GALNT5: variants seen among roughly 807,000 people sequenced by gnomAD.
The protein encoded by GALNT5 is polypeptide N-acetylgalactosaminyltransferase 5.
A neutral mutation model predicts 85.4 loss-of-function variants in GALNT5; 72 were observed. The observed-to-expected ratio is 0.84, with a 90% confidence interval of 0.70 to 1.03. The LOEUF is 1.03. GALNT5 is among the 50% of genes least tolerant of loss of function. The pLI is 0.00. For missense variants in GALNT5, 1,137 were observed against 1,135.5 expected (o/e 1.00, Z -0.02); for synonymous variants, 404 against 397.0 (o/e 1.02, Z -0.21).
intron 3 of GALNT5, among the ~76,000 whole-genome samples, chr2:157,287,805 C>T (rs1268045511): frequency 1.3e-5 from 2 of 152,184 alleles, no homozygotes; most frequent in East Asian, 3.9e-4. Flanking sequence ...TCATACATTT[C>T]TATGGAAGGA....
In GALNT5 at chr2:157,278,710, T is replaced by G. The variant is rs1350996446; in HGVS notation, c.1455-5572T>G. 2.0e-5 allele frequency among the ~76,000 whole-genome samples: 3 copies of G among 152,308 alleles called. No individual in the cohort carries two copies. The South Asian group carries it at 6.2e-4, about 32-fold the overall frequency. ...TACACTGTTTATTCTAGTTAGCCAT[T>G]CGTCTAGTGTTTTTTCAAGGTTTTT... On this transcript the variant is annotated intron_variant, in intron 1 of 9. Coordinates refer to ENST00000259056, the MANE Select transcript of GALNT5 (RefSeq NM_014568.3).
Position 157,259,280 on chromosome 2 carries a change from G to A in GALNT5, c.1198G>A (p.Ala400Thr), listed in dbSNP as rs1412788028. 3.7e-6 allele frequency: 6 copies of A among 1,610,852 alleles called. No individual in the cohort carries two copies. In the African/African-American group the frequency reaches 6.7e-5, roughly 18 times the overall value. ...AGCAAAAATCAACATAACTGCCAAA[G>A]CCCCCTCTACAGAATACAACCAGAG... Reference protein sequence around the residue: ...EPAKINITAKAPSTEYNQSHI... With the variant: ...EPAKINITAKTPSTEYNQSHI... Residue 400 changes from alanine to threonine, a missense_variant, in exon 1 of 10, where the codon GCC becomes ACC. Ala to Thr is a moderately conservative substitution (Grantham distance 58, BLOSUM62 0). Coordinates refer to ENST00000259056, the MANE Select transcript of GALNT5 (RefSeq NM_014568.3).
chr2:157,274,720 C>G (rs981655095), intron 1 of GALNT5, among the ~76,000 whole-genome samples: 1 of 152,040 alleles, frequency 6.6e-6, no homozygotes, highest in Non-Finnish European at 1.5e-5. Flanking sequence ...TTTGTAGATT[C>G]TGGATATTAG....
rs1443674912 is a variant in GALNT5 at position 157,314,954 on chromosome 2, T to C, written c.*3606T>C. 6.6e-6 allele frequency among the ~76,000 whole-genome samples: 1 copy of C among 151,998 alleles called. No individual in the cohort carries two copies. The highest frequency in any genetic ancestry group is 2.4e-5 in the African/African-American group (1 of 41,384). On this transcript the variant is annotated 3_prime_UTR_variant, in exon 10 of 10. Transcript: ENST00000259056. ...TTAGCTGGGCATGGTGGTGGGCGCC[T>C]GTAATCCCAGCTACCTGGGAGGCTG...
intron 9 of GALNT5, among the ~76,000 whole-genome samples, chr2:157,310,501 C>A (rs1683546339): frequency 6.6e-6 from 1 of 151,990 alleles, no homozygotes; most frequent in African/African-American, 2.4e-5. Flanking sequence ...TGAAAGTCAC[C>A]CCTGTTTGAT....
chr2:157,305,857 G>T (rs376983538), intron 8 of GALNT5, 28 bp downstream of exon 8: 1 of 1,237,270 alleles, frequency 8.1e-7, no homozygotes, highest in Non-Finnish European at 1.2e-6. Flanking sequence ...CTATCTCATG[G>T]TAGCTGATAG....
intron 1 of GALNT5, among the ~76,000 whole-genome samples, chr2:157,275,446 T>C (rs1682701300): frequency 6.6e-6 from 1 of 152,212 alleles, no homozygotes; most frequent in African/African-American, 2.4e-5. Flanking sequence ...ACTATATTGA[T>C]TCTTCCTATC....
At chr2:157,290,900 A>G (rs552244132) in intron 3 of GALNT5, among the ~76,000 whole-genome samples, 29 of 152,234 alleles carry the variant, frequency 1.9e-4, no homozygotes, top group African/African-American at 6.7e-4. Context: ...ACCATTAGCA[A>G]TGTCTACTAT....
rs989309774 is a variant in GALNT5, at chr2:157,316,143, A to T, written c.*4795A>T. 3.3e-5 allele frequency among the ~76,000 whole-genome samples: 5 copies of T among 152,050 alleles called. No homozygotes were observed. The highest frequency in any genetic ancestry group is 5.9e-5 in the Non-Finnish European group (4 of 68,022). On this transcript the variant is annotated 3_prime_UTR_variant, in exon 10 of 10. Transcript: ENST00000259056. ...CACGTGGCTTCACTTCACCAGTGCCATGTCACCCACACACCTGGTGACAAG... is the reference window on the plus strand; with the variant it reads ...CACGTGGCTTCACTTCACCAGTGCCTTGTCACCCACACACCTGGTGACAAG...
chr2:157,258,609 C>T lies in GALNT5; in HGVS notation c.527C>T (p.Ala176Val). 6.2e-7 allele frequency: 1 copy of T among 1,613,540 alleles called. No individual in the cohort carries two copies. The highest frequency in any genetic ancestry group is 8.5e-7 in the Non-Finnish European group (1 of 1,179,890). Residue 176 changes from alanine (A) to valine (V), a missense_variant, in exon 1 of 10, where the codon GCA becomes GTA. Coordinates refer to ENST00000259056, the MANE Select transcript of GALNT5 (RefSeq NM_014568.3). ...QGAPKTSFIA[A>V]KGTQVVKISV... ...GCTCCAAAGACCTCATTCATAGCAG[C>T]AAAAGGAACTCAGGTAGTCAAAATA...
chr2:157,258,471 C>T lies in GALNT5; in HGVS notation c.389C>T (p.Ala130Val). The change falls in exon 1 of 10, where the codon GCA becomes GTA. Residue 130 changes from alanine (A) to valine (V), a missense_variant. Physicochemically the swap from Ala to Val is moderately conservative, Grantham distance 64 (BLOSUM62 0). Transcript: ENST00000259056. ...AAGGTTGTGCCGTTGTGGCATCCTG[C>T]ACATCTGCAGACCCTCCCTGTGACT... ...RGKVVPLWHP[A>V]HLQTLPVTPN... The T allele has an allele frequency of 6.2e-7, 1 of 1,605,590 alleles. No individual in the cohort carries two copies. Among genetic ancestry groups the T allele is most frequent in the Non-Finnish European group, 8.5e-7 (1 of 1,177,114 alleles).
chr2:157,276,010 A>G (rs1200731478), intron 1 of GALNT5, among the ~76,000 whole-genome samples: 1 of 152,162 alleles, frequency 6.6e-6, no homozygotes, highest in African/African-American at 2.4e-5. Context: ...AGCCTAGTTT[A>G]TTGAGAGTTT....
At chr2:157,304,506 A>G (rs2105166831) in intron 7 of GALNT5, among the ~76,000 whole-genome samples, 1 of 152,352 alleles carries the variant, frequency 6.6e-6, no homozygotes, top group South Asian at 2.1e-4. Context: ...GTAAAGTTTC[A>G]GATTCTCAGG....
rs773403481 is a variant in GALNT5 at position 157,286,034 on chromosome 2, G to A, written c.1641G>A (p.Leu547=). ...ATGTAGACTATCTAAAAGATAATTT[G>A]GATAAATACATGTCCCAGTTTCCAA... The part of the protein sequence containing the change: ...FSTKDYLKDN[L]DKYMSQFPKV... Residue 547 remains leucine, a synonymous_variant, in exon 3 of 10, where the codon TTG becomes TTA. Coordinates refer to ENST00000259056, the MANE Select transcript of GALNT5 (RefSeq NM_014568.3). 1.9e-6 allele frequency: 3 copies of A among 1,597,740 alleles called. No individual in the cohort carries two copies. The highest frequency in any genetic ancestry group is 3.3e-5 in the Admixed American group (2 of 59,990).
rs1273057539 is a variant in GALNT5, at chr2:157,296,501, C to T, written c.1985C>T (p.Thr662Ile). 6.2e-7 allele frequency: 1 copy of T among 1,608,804 alleles called. No homozygotes were observed. Among genetic ancestry groups the T allele is most frequent in the Non-Finnish European group, 8.5e-7 (1 of 1,175,636 alleles). Reference sequence around the variant, plus strand: ...ATTGCAAAAAACAGAATTAAAGAAACTGATACAATAAGGTAAGTGTGGGAA... The same window carrying T: ...ATTGCAAAAAACAGAATTAAAGAAATTGATACAATAAGGTAAGTGTGGGAA... ...DVIAKNRIKE[T>I]DTIRCPVMAG... The change falls in exon 5 of 10, where the codon ACT becomes ATT. Residue 662 changes from threonine (T) to isoleucine (I), a missense_variant. Transcript: ENST00000259056.
At chr2:157,263,183 G>T (rs548477947) in intron 1 of GALNT5, among the ~76,000 whole-genome samples, 72 of 148,918 alleles carry the variant, frequency 4.8e-4, no homozygotes, top group Middle Eastern at 6.8e-3. Flanking sequence ...TACTCACACT[G>T]TCCTTTTCTG....
rs561136732 is a variant in GALNT5 at position 157,269,077 on chromosome 2, T to C, written c.1454+9541T>C. ...GTTTTTACAACCTATGCCAACTAGA[T>C]GACATAGTGTCTGCCCAGAATATTC... On this transcript the variant is annotated intron_variant, in intron 1 of 9. Transcript: ENST00000259056. Among the ~76,000 whole-genome samples, 520 of 152,324 alleles carry C rather than the reference T, an allele frequency of 3.4e-3. 3 individuals are homozygous for C. Among genetic ancestry groups the C allele is most frequent in the African/African-American group, 0.011 (477 of 41,566 alleles).
chr2:157,306,407 C>T (rs1360655327), intron 8 of GALNT5, among the ~76,000 whole-genome samples: 1 of 152,076 alleles, frequency 6.6e-6, no homozygotes, highest in Admixed American at 6.6e-5. Flanking sequence ...GTAGAAACTC[C>T]TATAGGAAAA....
intron 1 of GALNT5, among the ~76,000 whole-genome samples, chr2:157,263,662 G>A (rs920606600): frequency 6.6e-6 from 1 of 152,136 alleles, no homozygotes; most frequent in Admixed American, 6.6e-5. Flanking sequence ...AGAAGCAACA[G>A]GTTTACACAG....
Sources: allele counts gnomAD v4.1 joint callset (sites outside exome capture counted in the v4.1 genomes callset), GRCh38; gene constraint gnomAD v4.1.1; transcripts MANE v1.5; gene names NCBI Gene and HGNC (gene_info 2026-07-23, HGNC 2026-07-21).